YPEL5: variants seen among roughly 807,000 people sequenced by gnomAD.
YPEL5 encodes protein yippee-like 5.
YPEL5 carries 1 observed loss-of-function variant against 10.5 expected under a neutral mutation model. The observed-to-expected ratio is 0.10, with a 90% confidence interval of 0.03 to 0.45. The LOEUF (loss-of-function observed/expected upper bound fraction) is 0.45, where lower values mean the gene tolerates loss of function less well. YPEL5 is among the 20% of genes least tolerant of loss of function. YPEL5 has a pLI of 0.97. For missense variants in YPEL5, 68 were observed against 159.3 expected (o/e 0.43, Z 3.09); for synonymous variants, 61 against 56.6 (o/e 1.08, Z -0.35).
chr2:30,149,249 A>ATGCC (rs1675663665), intron 1 of YPEL5, among the ~76,000 whole-genome samples: 1 of 152,218 alleles, frequency 6.6e-6, no homozygotes, highest in African/African-American at 2.4e-5. Flanking sequence ...GTCATCTAAC[A>ATGCC]AAACAGGAAA....
intron 1 of YPEL5, among the ~76,000 whole-genome samples, chr2:30,152,115 TTGTAG>T (rs1675820804): frequency 6.6e-6 from 1 of 152,204 alleles, no homozygotes; most frequent in Admixed American, 6.5e-5. Context: ...AATTGTACAC[TTGTAG>T]TGAGTAAACT....
intron 2 of YPEL5, among the ~76,000 whole-genome samples, chr2:30,157,385 G>A (rs996433191): frequency 6.6e-6 from 1 of 152,174 alleles, no homozygotes; most frequent in African/African-American, 2.4e-5. Context: ...GAAGGAACAG[G>A]TCAAGATACC....
At chr2:30,150,675 C>T (rs1002585840) in intron 1 of YPEL5, among the ~76,000 whole-genome samples, 6 of 152,168 alleles carry the variant, frequency 3.9e-5, no homozygotes, top group Non-Finnish European at 8.8e-5. Flanking sequence ...TTCAAATACT[C>T]CTATCTAGCT....
chr2:30,159,697 C>G lies in YPEL5; in HGVS notation c.*854C>G, dbSNP rs747379586. ...TATTCTTTGTTTAAATGAAAGCATA[C>G]TGTTGAAACCCGCAGTGTTGCATTT... On this transcript the variant is annotated 3_prime_UTR_variant, in exon 3 of 3. Coordinates refer to ENST00000261353, the MANE Select transcript of YPEL5 (RefSeq NM_016061.3). The G allele has an allele frequency of 1.3e-5, 2 of 152,072 alleles. No homozygotes were observed. Among genetic ancestry groups the G allele is most frequent in the African/African-American group, 4.8e-5 (2 of 41,398 alleles). 9.4% of individuals were successfully genotyped at this position (152,072 alleles called of 1,614,324 possible).
intron 1 of YPEL5, among the ~76,000 whole-genome samples, chr2:30,154,230 G>A (rs1572756253): frequency 6.6e-6 from 1 of 152,156 alleles, no homozygotes; most frequent in South Asian, 2.1e-4. Context: ...ATACCTCAAC[G>A]GCTGAGACTC....
chr2:30,158,050 G>C (rs188276661), intron 2 of YPEL5, among the ~76,000 whole-genome samples: 1 of 152,298 alleles, frequency 6.6e-6, no homozygotes, highest in East Asian at 1.9e-4. Flanking sequence ...AGAATCAGTG[G>C]AAATTCATTA....
At chr2:30,148,908 G>A (rs562722574) in intron 1 of YPEL5, among the ~76,000 whole-genome samples, 26 of 152,316 alleles carry the variant, frequency 1.7e-4, no homozygotes, top group African/African-American at 4.3e-4. Context: ...AGGTTTAATG[G>A]TGAATAACTA....
At position 30,157,302 on chromosome 2, in the gene YPEL5, A is replaced by G. The variant is rs550925207; in HGVS notation, c.141+510A>G. On this transcript the variant is annotated intron_variant, in intron 2 of 2. Transcript: ENST00000261353. ...AGTCTCAAAAAAAAAAAAAAGTATA[A>G]AGAAGTGTGATCTCTGTTGCCTCAG... Among the ~76,000 whole-genome samples the G allele has an allele frequency of 5.9e-5, 9 of 152,090 alleles. No individual in the cohort carries two copies. The South Asian group carries it at 1.9e-3, about 32-fold the overall frequency.
At chr2:30,155,595 T>C (rs995890316) in intron 1 of YPEL5, among the ~76,000 whole-genome samples, 1 of 152,262 alleles carries the variant, frequency 6.6e-6, no homozygotes, top group African/African-American at 2.4e-5. Context: ...TGGTATATTC[T>C]TGACTATATC....
intron 1 of YPEL5, 90 bp from the exon 2 acceptor site, chr2:30,156,538 C>G: frequency 1.7e-6 from 2 of 1,176,426 alleles, no homozygotes; most frequent in Non-Finnish European, 2.4e-6. Flanking sequence ...TACATAAATA[C>G]GTATACAAAT....
Position 30,158,908 on chromosome 2 carries a change from A to G in YPEL5, c.*65A>G, listed in dbSNP as rs1206264540. On this transcript the variant is annotated 3_prime_UTR_variant, in exon 3 of 3. Transcript: ENST00000261353. ...ACTGAAAACAAAAATCTACTTACAT[A>G]CACTGTCACCTTAGCATCAGAGTCG... 1 of 1,474,540 alleles carries G rather than the reference A, an allele frequency of 6.8e-7. No homozygotes were observed. Among genetic ancestry groups the G allele is most frequent in the Non-Finnish European group, 9.4e-7 (1 of 1,064,770 alleles). 91.3% of individuals were successfully genotyped at this position (1,474,540 alleles called of 1,614,324 possible). A position where few individuals can be genotyped will look rare whatever the true frequency, so the allele number is the denominator to read the frequency against.
At chr2:30,150,626 A>G (rs1294212036) in intron 1 of YPEL5, among the ~76,000 whole-genome samples, 1 of 152,202 alleles carries the variant, frequency 6.6e-6, no homozygotes, top group Non-Finnish European at 1.5e-5. Context: ...TTAGCTAGAA[A>G]ATCAGTAAAG....
intron 1 of YPEL5, among the ~76,000 whole-genome samples, chr2:30,151,585 T>TC (rs1675796702): frequency 6.6e-6 from 1 of 152,252 alleles, no homozygotes; most frequent in Admixed American, 6.5e-5. Context: ...CTTGGTACTT[T>TC]TCTTATTCAA....
chr2:30,148,411 G>T (rs1167138650), intron 1 of YPEL5: 1 of 152,192 alleles, frequency 6.6e-6, no homozygotes, highest in Admixed American at 6.5e-5. Flanking sequence ...CATATAGAGC[G>T]TCGCAGCTGC....
intron 1 of YPEL5, among the ~76,000 whole-genome samples, chr2:30,149,675 C>A (rs1558354440): frequency 6.6e-6 from 1 of 152,192 alleles, no homozygotes; most frequent in African/African-American, 2.4e-5. Context: ...TCCATTTTAG[C>A]AGAGTCATTG....
chr2:30,147,785 AGCCCCCCG>A (rs1246507654), intron 1 of YPEL5: 5 of 151,604 alleles, frequency 3.3e-5, no homozygotes, highest in Non-Finnish European at 5.9e-5. Flanking sequence ...GGACCAAGAG[AGCCCCCCG>A]GCCACCCGCT....
intron 1 of YPEL5, among the ~76,000 whole-genome samples, chr2:30,149,962 C>T (rs1027459230): frequency 6.6e-6 from 1 of 152,352 alleles, no homozygotes; most frequent in Non-Finnish European, 1.5e-5. Flanking sequence ...GAATAGATAC[C>T]TACCCTCCCT....
At chr2:30,158,585 C>A (rs752278982) in intron 2 of YPEL5, 34 bp from the exon 3 acceptor site, 1 of 1,597,214 alleles carries the variant, frequency 6.3e-7, no homozygotes, top group East Asian at 2.2e-5. Flanking sequence ...AACTAACATG[C>A]CTTGCAATTT....
chr2:30,151,445 A>G (rs1422989308), intron 1 of YPEL5, among the ~76,000 whole-genome samples: 1 of 152,182 alleles, frequency 6.6e-6, no homozygotes, highest in Non-Finnish European at 1.5e-5. Flanking sequence ...AGAGGGAGGA[A>G]ATTGAAAATA....
Sources: gnomAD v4.1 joint callset for allele counts (sites outside exome capture counted in the v4.1 genomes callset) on GRCh38, gnomAD v4.1.1 for gene constraint, MANE v1.5 for transcripts, NCBI Gene and HGNC (gene_info 2026-07-23, HGNC 2026-07-21) for gene names.